MSH3: variants seen among roughly 807,000 people sequenced by gnomAD.
The protein encoded by MSH3 is mutS homolog 3.
In MSH3, 106 loss-of-function variants were observed where a neutral mutation model predicts 123.3. That is an observed-to-expected ratio of 0.86 (90% CI 0.73 to 1.01). MSH3 has a LOEUF of 1.01. Ranked by LOEUF, MSH3 falls within the 50% of genes least tolerant of loss-of-function variation. MSH3 has a pLI of 0.00. For missense variants in MSH3, 1,459 were observed against 1,347.6 expected, an observed-to-expected ratio of 1.08 and a Z score of -1.29; for synonymous variants, 515 against 481.4, an observed-to-expected ratio of 1.07 and a Z score of -0.91.
chr5:80,672,813 C>A lies in MSH3; in HGVS notation c.982C>A (p.Arg328=), dbSNP rs745412081. 1.2e-6 allele frequency: 2 copies of A among 1,613,178 alleles called. No individual in the cohort carries two copies. Among genetic ancestry groups the A allele is most frequent in the African/African-American group, 1.3e-5 (1 of 74,694 alleles). Residue 328 remains arginine (R), a synonymous_variant, in exon 6 of 24, where the codon CGG becomes AGG. Transcript: ENST00000265081. ...IGDNRSSLFS[R]KLTALYTKST... Reference sequence around the variant, plus strand: ...AGACAACAGAAGTTCACTCTTTTCCCGGAAATTGACTGCCCTTTATACAAA... The same window carrying A: ...AGACAACAGAAGTTCACTCTTTTCCAGGAAATTGACTGCCCTTTATACAAA...
chr5:80,872,774 T>G (rs1045156278), intron 22 of MSH3, among the ~76,000 whole-genome samples: 14 of 152,180 alleles, frequency 9.2e-5, no homozygotes, highest in Non-Finnish European at 4.4e-5. Flanking sequence ...GCCACTGCAC[T>G]CCAGCCTAGG....
At chr5:80,873,411 A>G in intron 23 of MSH3, 124 bp downstream of exon 23, 3 of 938,120 alleles carry the variant, frequency 3.2e-6, no homozygotes, top group Non-Finnish European at 3.2e-6. Context: ...AATATTCTGA[A>G]CCATTTAATT....
chr5:80,686,679 G>C (rs1369780153), intron 8 of MSH3, among the ~76,000 whole-genome samples: 1 of 151,924 alleles, frequency 6.6e-6, no homozygotes, highest in Non-Finnish European at 1.5e-5. Context: ...TATTAAATTT[G>C]CAAGTACAAA....
intron 20 of MSH3, among the ~76,000 whole-genome samples, chr5:80,825,006 T>C (rs1745269594): frequency 6.6e-6 from 1 of 152,228 alleles, no homozygotes; most frequent in Admixed American, 6.5e-5. Context: ...CTACATGGAC[T>C]ACATTAAATT....
intron 13 of MSH3, among the ~76,000 whole-genome samples, chr5:80,763,888 T>A (rs1049516934): frequency 4.6e-5 from 7 of 152,372 alleles, no homozygotes; most frequent in Admixed American, 3.3e-4. Context: ...GAATGACTTA[T>A]TTTGGAATTT....
Position 80,714,113 on chromosome 5 carries a change from G to A in MSH3, c.1341-11340G>A, listed in dbSNP as rs1427502333. ...TTCTGGTAGGATGCTAGGCATGTGT[G>A]CAGAATTTCAAATAGACTTTTTTTT... On this transcript the variant is annotated intron_variant, in intron 8 of 23. Transcript: ENST00000265081. 3.3e-5 allele frequency among the ~76,000 whole-genome samples: 5 copies of A among 149,450 alleles called. No individual in the cohort carries two copies. The East Asian group carries it at 5.9e-4, about 18-fold the overall frequency.
chr5:80,731,493 C>G (rs1743412567), intron 10 of MSH3, among the ~76,000 whole-genome samples: 1 of 151,536 alleles, frequency 6.6e-6, no homozygotes, highest in Non-Finnish European at 1.5e-5. Flanking sequence ...CAGCATAAGC[C>G]CAGCACCTAG....
At chr5:80,846,312 C>T (rs998296786) in intron 20 of MSH3, among the ~76,000 whole-genome samples, 1 of 151,838 alleles carries the variant, frequency 6.6e-6, no homozygotes, top group Non-Finnish European at 1.5e-5. Flanking sequence ...TTTGAGGTGT[C>T]TGTCGGTCCC....
chr5:80,832,835 G>C (rs1288516371), intron 20 of MSH3, among the ~76,000 whole-genome samples: 1 of 151,752 alleles, frequency 6.6e-6, no homozygotes, highest in African/African-American at 2.4e-5. Flanking sequence ...TAATATTTAA[G>C]CTCTAGTTAT....
intron 20 of MSH3, among the ~76,000 whole-genome samples, chr5:80,816,463 G>C (rs2112058597): frequency 6.6e-6 from 1 of 152,282 alleles, no homozygotes; most frequent in South Asian, 2.1e-4. Context: ...GGTCCTCCAG[G>C]AGAGCAAGAT....
chr5:80,677,976 T>G (rs1344419901), intron 7 of MSH3, among the ~76,000 whole-genome samples: 1 of 152,216 alleles, frequency 6.6e-6, no homozygotes, highest in Non-Finnish European at 1.5e-5. Flanking sequence ...TACAAATGCC[T>G]GAGTTTCTCC....
chr5:80,683,880 G>A (rs1189024810), intron 8 of MSH3, among the ~76,000 whole-genome samples: 1 of 152,096 alleles, frequency 6.6e-6, no homozygotes, highest in East Asian at 1.9e-4. Context: ...TGAGAGATAG[G>A]GTCTAGTTTC....
chr5:80,671,897 C>T (rs1425958289), intron 4 of MSH3, among the ~76,000 whole-genome samples: 1 of 152,160 alleles, frequency 6.6e-6, no homozygotes, highest in Non-Finnish European at 1.5e-5. Flanking sequence ...TTGCACATGC[C>T]ATGTAGCAAA....
At chr5:80,873,354 G>T in intron 23 of MSH3, 67 bp downstream of exon 23, 1 of 1,527,168 alleles carries the variant, frequency 6.5e-7, no homozygotes, top group Non-Finnish European at 9.0e-7. Flanking sequence ...AGAAAGAGAG[G>T]AGCGTCCTAA....
At chr5:80,676,277 C>T (rs971728381) in intron 7 of MSH3, among the ~76,000 whole-genome samples, 1 of 151,970 alleles carries the variant, frequency 6.6e-6, no homozygotes, top group Non-Finnish European at 1.5e-5. Context: ...GTGATCAGCC[C>T]ACCTCGGCCT....
chr5:80,761,643 A>C lies in MSH3; in HGVS notation c.1861A>C (p.Ile621Leu), dbSNP rs1444622729. 1.2e-6 allele frequency: 2 copies of C among 1,614,168 alleles called. No homozygotes were observed. The highest frequency in any genetic ancestry group is 1.7e-6 in the Non-Finnish European group (2 of 1,179,998). ...AAATCATCTACGTAAATTGCCCGACATAGAGAGGGGACTCTGTAGCATTTA... is the reference window on the plus strand; with the variant it reads ...AAATCATCTACGTAAATTGCCCGACCTAGAGAGGGGACTCTGTAGCATTTA... ...IENHLRKLPD[I>L]ERGLCSIYHK... The change falls in exon 13 of 24, where the codon ATA becomes CTA. Residue 621 changes from isoleucine (I) to leucine (L), a missense_variant. By Grantham distance (5) the Ile-to-Leu change is conservative. Transcript: ENST00000265081.
intron 10 of MSH3, among the ~76,000 whole-genome samples, chr5:80,730,653 A>G (rs1299724716): frequency 6.6e-6 from 1 of 152,096 alleles, no homozygotes; most frequent in Non-Finnish European, 1.5e-5. Flanking sequence ...GGCTTTGTAA[A>G]AAAAGGGGTG....
chr5:80,689,676 C>T (rs1265488092), intron 8 of MSH3, among the ~76,000 whole-genome samples: 1 of 149,420 alleles, frequency 6.7e-6, no homozygotes, highest in Non-Finnish European at 1.5e-5. Context: ...ACTGTTCCTA[C>T]CAGTTCAAGG....
At chr5:80,705,486 T>C (rs1750701580) in intron 8 of MSH3, among the ~76,000 whole-genome samples, 1 of 152,230 alleles carries the variant, frequency 6.6e-6, no homozygotes, top group Non-Finnish European at 1.5e-5. Context: ...CACAGCTCTC[T>C]CTTCAATCTG....
Sources: gnomAD v4.1 joint callset for allele counts (sites outside exome capture counted in the v4.1 genomes callset) on GRCh38, gnomAD v4.1.1 for gene constraint, MANE v1.5 for transcripts, NCBI Gene and HGNC (gene_info 2026-07-23, HGNC 2026-07-21) for gene names.